The following SCAPER variants were observed in gnomAD, a reference collection of about 807,000 sequenced individuals.
SCAPER encodes the protein S phase cyclin A-associated protein in the endoplasmic reticulum.
A neutral mutation model predicts 182.2 loss-of-function variants in SCAPER; 98 were observed. The ratio of observed to expected loss-of-function variants is 0.54; its 90% CI spans 0.46 to 0.64. The LOEUF (loss-of-function observed/expected upper bound fraction) is 0.64, where lower values mean the gene tolerates loss of function less well. Ranked by LOEUF, SCAPER falls within the 30% of genes least tolerant of loss-of-function variation. SCAPER has a pLI of 0.00. For synonymous variants in SCAPER, 605 were observed against 564.6 expected, an observed-to-expected ratio of 1.07 and a Z score of -1.01; for missense variants, 1,432 against 1,690.0, an observed-to-expected ratio of 0.85 and a Z score of 2.68.
At chr15:76,352,481 ATTTTC>A (rs2040631650) in intron 30 of SCAPER, among the ~76,000 whole-genome samples, 1 of 93,486 alleles carries the variant, frequency 1.1e-5, no homozygotes, top group Non-Finnish European at 2.0e-5. Context: ...ATGTATTTGT[ATTTTC>A]TTTTTTTTTT....
At chr15:76,864,689 T>A (rs764624927) in intron 2 of SCAPER, among the ~76,000 whole-genome samples, 2 of 152,074 alleles carry the variant, frequency 1.3e-5, no homozygotes, top group Non-Finnish European at 2.9e-5. Flanking sequence ...AAGGGCCAGA[T>A]AATAATTTTT....
rs559576595 is a variant in SCAPER at position 76,585,572 on chromosome 15, C to T, written c.2712-11288G>A. Among the ~76,000 whole-genome samples, 6 of 152,228 alleles carry T rather than the reference C, an allele frequency of 3.9e-5. 1 individual carries two copies. The highest frequency in any genetic ancestry group is 1.4e-4 in the African/African-American group (6 of 41,540). ...GCACTATTCTTAACAAGAATGCTGA[C>T]ATTTGACTGAAAATCAGCAGTACTG... On this transcript the variant is annotated intron_variant, in intron 22 of 31. Transcript: ENST00000563290.
At chr15:76,541,554 C>A (rs992648016) in intron 23 of SCAPER, among the ~76,000 whole-genome samples, 2 of 152,188 alleles carry the variant, frequency 1.3e-5, no homozygotes, top group African/African-American at 4.8e-5. Flanking sequence ...GTAAGATGGG[C>A]TTACGGATTC....
intron 26 of SCAPER, among the ~76,000 whole-genome samples, chr15:76,426,320 C>T (rs937946335): frequency 3.3e-5 from 5 of 152,184 alleles, no homozygotes; most frequent in African/African-American, 4.8e-5. Context: ...GGGCACCCCT[C>T]CCCCAGCCTC....
intron 21 of SCAPER, among the ~76,000 whole-genome samples, chr15:76,654,795 T>G (rs1057469405): frequency 2.6e-5 from 4 of 152,194 alleles, no homozygotes; most frequent in African/African-American, 9.6e-5. Context: ...TTTACAATTT[T>G]GGGTCTGGTT....
At chr15:76,394,409 T>C (rs1472908257) in intron 27 of SCAPER, among the ~76,000 whole-genome samples, 1 of 152,200 alleles carries the variant, frequency 6.6e-6, no homozygotes, top group Non-Finnish European at 1.5e-5. Flanking sequence ...ATCAACAGAA[T>C]GTGGCAGTAG....
chr15:76,797,859 A>G (rs149478700), intron 7 of SCAPER, among the ~76,000 whole-genome samples: 70 of 152,092 alleles, frequency 4.6e-4, no homozygotes, highest in African/African-American at 1.6e-3. Flanking sequence ...ACAGTTAACA[A>G]TCCTGGAGAG....
intron 28 of SCAPER, among the ~76,000 whole-genome samples, chr15:76,376,967 AG>A (rs1406414106): frequency 1.3e-5 from 2 of 152,170 alleles, no homozygotes; most frequent in African/African-American, 4.8e-5. Context: ...AGAGAGTCTG[AG>A]TCTGTCTGTG....
chr15:76,540,995 C>T (rs564825235), intron 23 of SCAPER, among the ~76,000 whole-genome samples: 3 of 152,028 alleles, frequency 2.0e-5, no homozygotes, highest in African/African-American at 7.2e-5. Context: ...GTGATGGGCG[C>T]CTGTAATCCC....
At chr15:76,742,999 C>T (rs1325608607) in intron 15 of SCAPER, among the ~76,000 whole-genome samples, 1 of 152,040 alleles carries the variant, frequency 6.6e-6, no homozygotes, top group Non-Finnish European at 1.5e-5. Flanking sequence ...ATGACATTAA[C>T]TGCTTCACAA....
At position 76,804,649 on chromosome 15, in the gene SCAPER, C is replaced by CAAAAA; in HGVS notation, c.394-21_394-17dup. Reference sequence around the variant, plus strand: ...TTAGCACCTCCTAAAAGAAACAAAACAAAAAAAAATTAAATTCCAGTCTGA... The same window carrying CAAAAA: ...TTAGCACCTCCTAAAAGAAACAAAACAAAAAAAAAAAAAATTAAATTCCAGTCTGA... On this transcript the variant is annotated splice_polypyrimidine_tract_variant and intron_variant, in intron 5 of 31. Transcript: ENST00000563290. The CAAAAA allele has an allele frequency of 6.8e-7, 1 of 1,470,638 alleles. No homozygotes were observed. Among genetic ancestry groups the CAAAAA allele is most frequent in the African/African-American group, 1.5e-5 (1 of 68,482 alleles). 91.1% of individuals were successfully genotyped at this position (1,470,638 alleles called of 1,614,324 possible).
At chr15:76,761,520 T>G (rs889451227) in intron 14 of SCAPER, among the ~76,000 whole-genome samples, 2 of 152,214 alleles carry the variant, frequency 1.3e-5, no homozygotes, top group Non-Finnish European at 2.9e-5. Flanking sequence ...TTCAAGGCAT[T>G]ATTTAAATTC....
intron 25 of SCAPER, among the ~76,000 whole-genome samples, chr15:76,438,892 TG>T (rs2047377508): frequency 6.6e-6 from 1 of 152,218 alleles, no homozygotes; most frequent in Admixed American, 6.5e-5. Flanking sequence ...AAAGATTTTT[TG>T]GTCTGTCTCA....
intron 10 of SCAPER, among the ~76,000 whole-genome samples, chr15:76,770,248 A>G (rs921095745): frequency 6.6e-5 from 10 of 152,022 alleles, no homozygotes; most frequent in Admixed American, 1.3e-4. Context: ...AAAAATACCT[A>G]AAGTAAATGA....
At chr15:76,506,114 G>A (rs891753434) in intron 23 of SCAPER, among the ~76,000 whole-genome samples, 2 of 151,910 alleles carry the variant, frequency 1.3e-5, no homozygotes, top group African/African-American at 4.8e-5. Flanking sequence ...TAGTGGGGGG[G>A]ACGGGGTAAT....
At chr15:76,574,769 G>C (rs1018270257) in intron 22 of SCAPER, among the ~76,000 whole-genome samples, 1 of 152,076 alleles carries the variant, frequency 6.6e-6, no homozygotes, top group South Asian at 2.1e-4. Context: ...CATTTACTTA[G>C]ACGACAGAAC....
intron 23 of SCAPER, among the ~76,000 whole-genome samples, chr15:76,549,463 G>A (rs1348987315): frequency 2.6e-5 from 4 of 152,096 alleles, no homozygotes; most frequent in African/African-American, 9.7e-5. Context: ...GTAGGGACAT[G>A]GACGAAGCTG....
At position 76,689,691 on chromosome 15, in the gene SCAPER, C is replaced by A. The variant is rs796863989; in HGVS notation, c.2508+12067G>T. ...GTTTTCTAAATGTTATCCTTGAAAA[C>A]AAAAAAAAAAACAGAGCTCCTTGGA... On this transcript the variant is annotated intron_variant, in intron 20 of 31. Coordinates refer to ENST00000563290, the MANE Select transcript of SCAPER (RefSeq NM_020843.4). Among the ~76,000 whole-genome samples the A allele has an allele frequency of 6.5e-3, 887 of 137,032 alleles. 2 individuals are homozygous for A. The highest frequency in any genetic ancestry group is 9.7e-3 in the Non-Finnish European group (607 of 62,630). 89.9% of individuals were successfully genotyped at this position (137,032 alleles called of 152,430 possible). A position where few individuals can be genotyped will look rare whatever the true frequency, so the allele number is the denominator to read the frequency against.
In SCAPER at chr15:76,886,847, GCAGGGA is replaced by G. The variant is rs765606073; in HGVS notation, c.-59-2977_-59-2972del. Among the ~76,000 whole-genome samples, 68 of 152,310 alleles carry G rather than the reference GCAGGGA, an allele frequency of 4.5e-4. 2 individuals carry two copies. Among genetic ancestry groups the G allele is most frequent in the Non-Finnish European group, 3.2e-4 (22 of 68,030 alleles). On this transcript the variant is annotated intron_variant, in intron 1 of 31. Coordinates refer to ENST00000563290, the MANE Select transcript of SCAPER (RefSeq NM_020843.4). ...TAAAAAGAATGAGATCATGTCCTTT[GCAGGGA>G]CATGAATGTAGCTAGAGGCCATCAT... is the stretch of plus-strand genomic sequence containing the variant.
Sources: allele counts gnomAD v4.1 joint callset (sites outside exome capture counted in the v4.1 genomes callset), GRCh38; gene constraint gnomAD v4.1.1; transcripts MANE v1.5; gene names NCBI Gene and HGNC (gene_info 2026-07-23, HGNC 2026-07-21).